ZMYM4: variants seen among roughly 807,000 people sequenced by gnomAD.
ZMYM4 encodes zinc finger MYM-type containing 4.
Under a neutral mutation model 183.2 loss-of-function variants are expected in ZMYM4, and 31 were observed. That is an observed-to-expected ratio of 0.17 (90% CI 0.13 to 0.23). The LOEUF (loss-of-function observed/expected upper bound fraction) is 0.23, where lower values mean the gene tolerates loss of function less well. ZMYM4 is among the 10% of genes least tolerant of loss of function. The probability of loss-of-function intolerance (pLI) is 1.00; values close to 1 mark genes in which losing one functional copy is unlikely to be tolerated. For missense variants in ZMYM4, 1,273 were observed against 1,840.3 expected (o/e 0.69, Z 5.64); for synonymous variants, 592 against 631.2 (o/e 0.94, Z 0.93).
In ZMYM4 at chr1:35,398,414, G is replaced by T; in HGVS notation, c.3201G>T (p.Glu1067Asp). The T allele has an allele frequency of 6.2e-7, 1 of 1,608,782 alleles. No individual in the cohort carries two copies. The highest frequency in any genetic ancestry group is 8.5e-7 in the Non-Finnish European group (1 of 1,178,180). Residue 1067 changes from glutamate to aspartate, a missense_variant and splice_region_variant, in exon 21 of 30, where the codon GAG (glutamate) becomes GAT (aspartate). This residue lies in a region of ZMYM4 where 290 missense variants were observed against 353.3 expected (regional missense o/e 0.82). Transcript: ENST00000314607. ...DEEKKTLSQG[E>D]SQTSEHELFL... is the part of the protein sequence containing the mutation. ...TTATGTGCTTTTCTTTTTCTTTAGA[G>T]TCCCAAACTTCTGAACACGAACTCT...
chr1:35,398,738 G>A (rs953770670), intron 21 of ZMYM4, 126 bp from the exon 22 acceptor site: 2 of 958,780 alleles, frequency 2.1e-6, no homozygotes, highest in Non-Finnish European at 1.5e-6. Flanking sequence ...ATTCTTGAGT[G>A]TACCTAGGTA....
chr1:35,339,845 C>T (rs1475690393), intron 2 of ZMYM4, among the ~76,000 whole-genome samples: 1 of 152,218 alleles, frequency 6.6e-6, no homozygotes, highest in Non-Finnish European at 1.5e-5. Flanking sequence ...TCACCAGCAT[C>T]TATCAAATAC....
rs758190992 is a variant in ZMYM4, at chr1:35,387,568, C to T, written c.2227C>T (p.Arg743Trp). Residue 743 changes from arginine to tryptophan, a missense_variant, in exon 13 of 30, where the codon CGG (arginine) becomes TGG (tryptophan). Arg to Trp is a moderately radical substitution (Grantham distance 101). Coordinates refer to ENST00000314607, the MANE Select transcript of ZMYM4 (RefSeq NM_005095.3). ...KIEKIVKETV[R>W]FSGADKSFCS... Reference sequence around the variant, plus strand: ...TGAGAAAATTGTAAAGGAGACTGTTCGGTTCTCAGGTGCTGACAAGTCATT... The same window carrying T: ...TGAGAAAATTGTAAAGGAGACTGTTTGGTTCTCAGGTGCTGACAAGTCATT... 1.2e-6 allele frequency: 2 copies of T among 1,613,398 alleles called. No homozygotes were observed. Among genetic ancestry groups the T allele is most frequent in the Admixed American group, 1.7e-5 (1 of 59,896 alleles).
At chr1:35,349,098 C>G (rs148723310) in intron 2 of ZMYM4, among the ~76,000 whole-genome samples, 1 of 152,040 alleles carries the variant, frequency 6.6e-6, no homozygotes, top group South Asian at 2.1e-4. Flanking sequence ...TGGGTTCAAG[C>G]GATTCTCGTG....
intron 2 of ZMYM4, among the ~76,000 whole-genome samples, chr1:35,354,727 TAAAAAAA>T (rs57493035): frequency 3.3e-4 from 28 of 84,038 alleles, no homozygotes; most frequent in African/African-American, 9.9e-4. Flanking sequence ...ACTTTGTCTT[TAAAAAAA>T]AAAAAAAAAA....
chr1:35,274,012 T>C (rs1639744626), intron 1 of ZMYM4, among the ~76,000 whole-genome samples: 1 of 152,230 alleles, frequency 6.6e-6, no homozygotes, highest in Non-Finnish European at 1.5e-5. Context: ...AGAAGTTTTA[T>C]TTTGAATTTC....
In ZMYM4 at chr1:35,421,291, G is replaced by T. The variant is rs999845791; in HGVS notation, c.*1614G>T. On this transcript the variant is annotated 3_prime_UTR_variant, in exon 30 of 30. Coordinates refer to ENST00000314607, the MANE Select transcript of ZMYM4 (RefSeq NM_005095.3). The stretch of plus-strand genomic sequence containing the variant: ...TAACAAATCTCATTTTTGTTACCAA[G>T]AACTGTATGAAAGAAGTAAATCCAC... The T allele has an allele frequency of 3.9e-5, 6 of 152,654 alleles. No individual in the cohort carries two copies. The highest frequency in any genetic ancestry group is 7.4e-5 in the Non-Finnish European group (5 of 68,010). The allele number at this position is 152,654 out of a possible 1,614,324, so 9.5% of individuals were successfully genotyped here.
At chr1:35,390,859 A>G (rs1644689365) in intron 15 of ZMYM4, among the ~76,000 whole-genome samples, 1 of 152,202 alleles carries the variant, frequency 6.6e-6, no homozygotes, top group African/African-American at 2.4e-5. Flanking sequence ...TCAAAATCAC[A>G]TGGCCTTTTA....
chr1:35,346,667 A>AAAG (rs1553170555), intron 2 of ZMYM4, among the ~76,000 whole-genome samples: 2 of 151,356 alleles, frequency 1.3e-5, no homozygotes, highest in Admixed American at 1.3e-4. Flanking sequence ...AAAAAAAAAA[A>AAAG]AAAGAAAAAA....
intron 26 of ZMYM4, 65 bp from the exon 27 acceptor site, chr1:35,413,907 T>C (rs1183200901): frequency 3.1e-5 from 30 of 976,638 alleles, no homozygotes; most frequent in Non-Finnish European, 4.4e-5. Flanking sequence ...TTTCTTACAA[T>C]AATTTTTTAA....
At chr1:35,340,630 GCTCCTATGAGAATTTAATGCTGCT>G (rs1398117663) in intron 2 of ZMYM4, among the ~76,000 whole-genome samples, 1 of 151,890 alleles carries the variant, frequency 6.6e-6, no homozygotes, top group Non-Finnish European at 1.5e-5. Context: ...TAGGGTTTGC[GCTCCTATGAGAATTTAATGCTGCT>G]CTCCTATGAG....
intron 19 of ZMYM4, chr1:35,397,104 A>G: frequency 3.8e-5 from 41 of 1,068,272 alleles, no homozygotes; most frequent in Non-Finnish European, 4.4e-5. Context: ...AAATACAAGC[A>G]AAAACAACAA....
chr1:35,310,847 G>A (rs527944779), intron 1 of ZMYM4, among the ~76,000 whole-genome samples: 2 of 152,200 alleles, frequency 1.3e-5, no homozygotes, highest in South Asian at 2.1e-4. Context: ...CAAAGTGCTA[G>A]GATTACAGGT....
intron 22 of ZMYM4, 105 bp from the exon 23 acceptor site, chr1:35,399,377 T>G: frequency 9.6e-7 from 1 of 1,045,342 alleles, no homozygotes. Flanking sequence ...ACAAACAAAC[T>G]AATGAATATA....
chr1:35,386,776 A>C (rs975256380), intron 11 of ZMYM4, among the ~76,000 whole-genome samples: 2 of 152,140 alleles, frequency 1.3e-5, no homozygotes, highest in Non-Finnish European at 2.9e-5. Flanking sequence ...CATATTATCT[A>C]TTGGGAGGAT....
At chr1:35,306,809 G>C (rs968531729) in intron 1 of ZMYM4, among the ~76,000 whole-genome samples, 1 of 152,094 alleles carries the variant, frequency 6.6e-6, no homozygotes, top group African/African-American at 2.4e-5. Context: ...TCATCCTTCT[G>C]ATCTCATGGA....
intron 7 of ZMYM4, among the ~76,000 whole-genome samples, chr1:35,375,528 A>G (rs963767174): frequency 6.6e-6 from 1 of 152,210 alleles, no homozygotes; most frequent in African/African-American, 2.4e-5. Context: ...AAGGGTTTCA[A>G]TTTGATTTGA....
chr1:35,296,178 T>A (rs553898279), intron 1 of ZMYM4, among the ~76,000 whole-genome samples: 2 of 152,296 alleles, frequency 1.3e-5, no homozygotes, highest in African/African-American at 4.8e-5. Flanking sequence ...ACTAACAGAA[T>A]GACCCCTGGG....
rs74614536 is a variant in ZMYM4 at position 35,312,540 on chromosome 1, G to A, written c.40-12820G>A. On this transcript the variant is annotated intron_variant, in intron 1 of 29. Transcript: ENST00000314607. ...CTTTTTAAAGTCTGCGTAGAATTTC[G>A]TGTTTAATCTGTCTTAATAAATTAA... Among the ~76,000 whole-genome samples, 106 of 152,184 alleles carry A rather than the reference G, an allele frequency of 7.0e-4. No individual in the cohort carries two copies. In the East Asian group the frequency reaches 0.016, roughly 22 times the overall value.
Sources: allele counts gnomAD v4.1 joint callset (sites outside exome capture counted in the v4.1 genomes callset), GRCh38; gene constraint gnomAD v4.1.1; regional missense constraint gnomAD v4.1.1; transcripts MANE v1.5; gene names NCBI Gene and HGNC (gene_info 2026-07-23, HGNC 2026-07-21).